CACNA2D2: variants seen among roughly 807,000 people sequenced by gnomAD.
CACNA2D2 encodes voltage-dependent calcium channel subunit alpha-2/delta-2.
CACNA2D2 carries 48 observed loss-of-function variants against 166.4 expected under a neutral mutation model. The ratio of observed to expected loss-of-function variants is 0.29; its 90% CI spans 0.23 to 0.37. The LOEUF is 0.37. Ranked by LOEUF, CACNA2D2 falls within the 10% of genes least tolerant of loss-of-function variation. CACNA2D2 has a pLI of 1.00. For missense variants in CACNA2D2, 1,122 were observed against 1,433.0 expected, an observed-to-expected ratio of 0.78 and a Z score of 3.50; for synonymous variants, 561 against 573.7, an observed-to-expected ratio of 0.98 and a Z score of 0.32.
Position 50,379,614 on chromosome 3 carries a change from G to A in CACNA2D2, c.994-24C>T. ...AACTGCAGGAACAGTAGGGTGGTGA[G>A]TGGCCTCAGGCTGGCCGGGGTAGGC... On this transcript the variant is annotated intron_variant, in intron 10 of 37. Coordinates refer to ENST00000424201, the MANE Select transcript of CACNA2D2 (RefSeq NM_006030.4). This position sits in a 1 kb window ranked among gnomAD's most constrained non-coding sequence, Gnocchi z 6.5. 1.2e-6 allele frequency: 2 copies of A among 1,613,342 alleles called. No homozygotes were observed. The highest frequency in any genetic ancestry group is 2.2e-5 in the East Asian group (1 of 44,874).
chr3:50,495,091 A>G (rs1698669960), intron 1 of CACNA2D2, among the ~76,000 whole-genome samples: 1 of 152,374 alleles, frequency 6.6e-6, no homozygotes, highest in East Asian at 1.9e-4. Flanking sequence ...CCCTGCCCAC[A>G]GAGTATGTGC....
At position 50,420,895 on chromosome 3, in the gene CACNA2D2, C is replaced by T. The variant is rs138942495; in HGVS notation, c.405+13418G>A. The stretch of plus-strand genomic sequence containing the variant: ...GCCAGGCTGTGAGTGGGAAAGGCCA[C>T]TTAGTATCTCATTAGTCTTAGCCCA... On this transcript the variant is annotated intron_variant, in intron 3 of 37. Transcript: ENST00000424201. 2.8e-4 allele frequency among the ~76,000 whole-genome samples: 42 copies of T among 152,328 alleles called. 1 individual carries two copies. The highest frequency in any genetic ancestry group is 2.6e-4 in the Admixed American group (4 of 15,310).
At position 50,476,156 on chromosome 3, in the gene CACNA2D2, C is replaced by T. The variant is rs367932722; in HGVS notation, c.250G>A (p.Val84Met). The T allele has an allele frequency of 1.1e-5, 18 of 1,602,052 alleles. No homozygotes were observed. The highest frequency in any genetic ancestry group is 3.4e-5 in the Admixed American group (2 of 59,110). The change falls in exon 2 of 38, where the codon GTG (valine) becomes ATG (methionine). Residue 84 changes from valine to methionine, a missense_variant. Physicochemically the swap from Val to Met is conservative, Grantham distance 21. Transcript: ENST00000424201. ...ARRLEQEVDG[V>M]MRIFGGVQQL... ...TGGACGCCTCCAAAAATCCGCATCA[C>T]GCCGTCGACCTCCTGCTCCAGACGC...
chr3:50,470,903 C>G (rs1386103881), intron 2 of CACNA2D2, among the ~76,000 whole-genome samples: 1 of 152,140 alleles, frequency 6.6e-6, no homozygotes, highest in East Asian at 1.9e-4. Context: ...CGGGAGCCCC[C>G]CCTTTAGCCC....
intron 1 of CACNA2D2, among the ~76,000 whole-genome samples, chr3:50,479,822 A>G (rs1272495481): frequency 3.3e-5 from 5 of 152,160 alleles, no homozygotes; most frequent in East Asian, 3.9e-4. Flanking sequence ...TGACCAGACA[A>G]TGTTGCCCAC....
chr3:50,461,768 A>AAAAG (rs1324891237), intron 2 of CACNA2D2, among the ~76,000 whole-genome samples: 2 of 149,080 alleles, frequency 1.3e-5, no homozygotes, highest in South Asian at 4.2e-4. Context: ...AAAAAAGAAA[A>AAAAG]AAAGAAAGAA....
chr3:50,442,734 A>G (rs941295853), intron 2 of CACNA2D2, among the ~76,000 whole-genome samples: 2 of 152,180 alleles, frequency 1.3e-5, no homozygotes, highest in Non-Finnish European at 2.9e-5. Context: ...GAGATACTGG[A>G]GCACTGACCA....
At chr3:50,381,993 C>T (rs1705345434) in intron 6 of CACNA2D2, among the ~76,000 whole-genome samples, 1 of 151,256 alleles carries the variant, frequency 6.6e-6, no homozygotes, top group South Asian at 2.1e-4. Context: ...CACACACACA[C>T]ACACACACAC....
At chr3:50,374,589 T>G in intron 22 of CACNA2D2, 148 bp downstream of exon 22, 1 of 734,734 alleles carries the variant, frequency 1.4e-6, no homozygotes, top group Non-Finnish European at 2.3e-6. Context: ...ACTTTCGAGG[T>G]GCCCCAGCCT....
intron 1 of CACNA2D2, among the ~76,000 whole-genome samples, chr3:50,480,303 C>A (rs771753327): frequency 1.1e-4 from 16 of 152,160 alleles, no homozygotes; most frequent in South Asian, 2.1e-4. Context: ...GCTTTTCCAT[C>A]GGTAAACAGG....
intron 3 of CACNA2D2, among the ~76,000 whole-genome samples, chr3:50,417,553 C>T (rs1042714006): frequency 3.3e-5 from 5 of 152,172 alleles, no homozygotes; most frequent in African/African-American, 4.8e-5. Flanking sequence ...GGCTGGGCAG[C>T]GGGGAGGACC....
intron 1 of CACNA2D2, among the ~76,000 whole-genome samples, chr3:50,496,561 G>T (rs1413192296): frequency 6.6e-6 from 1 of 152,254 alleles, no homozygotes; most frequent in East Asian, 1.9e-4. Flanking sequence ...TGGATGAGGG[G>T]ATAGTGGCTG....
At chr3:50,439,109 A>G (rs1205506058) in intron 2 of CACNA2D2, among the ~76,000 whole-genome samples, 2 of 152,248 alleles carry the variant, frequency 1.3e-5, no homozygotes, top group Non-Finnish European at 2.9e-5. Flanking sequence ...CTCTTTGTAC[A>G]GTTCTGTACC....
rs746179513 is a variant in CACNA2D2 at position 50,375,660 on chromosome 3, T to C, written c.1891A>G (p.Arg631Gly). Residue 631 changes from arginine to glycine, a missense_variant, in exon 21 of 38, where the codon AGG becomes GGG. Physicochemically the swap from Arg to Gly is moderately radical, Grantham distance 125. Transcript: ENST00000424201. The surrounding 1 kb of genome is among the most constrained non-coding windows in gnomAD (Gnocchi z 4.0). ...CTCACTTACCTGTAGTTAGTGCTCCTTATAGGCACCCAGGTGTAGTTCCGT... is the reference window on the plus strand; with the variant it reads ...CTCACTTACCTGTAGTTAGTGCTCCCTATAGGCACCCAGGTGTAGTTCCGT... ...VTRNYTWVPI[R>G]STNYSLGLVL... 1 of 1,612,416 alleles carries C rather than the reference T, an allele frequency of 6.2e-7. No homozygotes were observed. The highest frequency in any genetic ancestry group is 1.1e-5 in the South Asian group (1 of 91,070).
chr3:50,471,202 T>C (rs1177470234), intron 2 of CACNA2D2, among the ~76,000 whole-genome samples: 1 of 151,448 alleles, frequency 6.6e-6, no homozygotes, highest in East Asian at 2.0e-4. Flanking sequence ...CTGGAGATGC[T>C]GGCTTCAAGG....
At chr3:50,472,487 C>G (rs1710140032) in intron 2 of CACNA2D2, among the ~76,000 whole-genome samples, 1 of 152,156 alleles carries the variant, frequency 6.6e-6, no homozygotes, top group Non-Finnish European at 1.5e-5. Flanking sequence ...CAGCCCCGAC[C>G]CCAGGCAGAG....
intron 2 of CACNA2D2, among the ~76,000 whole-genome samples, chr3:50,471,720 T>C (rs144260384): frequency 3.0e-4 from 45 of 149,048 alleles, no homozygotes; most frequent in African/African-American, 1.0e-3. Context: ...CTGTCCCACC[T>C]ACCTGAGCCC....
At chr3:50,429,676 G>A (rs1203113356) in intron 3 of CACNA2D2, among the ~76,000 whole-genome samples, 3 of 150,976 alleles carry the variant, frequency 2.0e-5, no homozygotes, top group Admixed American at 6.6e-5. Context: ...AGGCTGAGGC[G>A]GAACAATGGC....
At chr3:50,420,238 T>TAGGCC (rs1707483699) in intron 3 of CACNA2D2, among the ~76,000 whole-genome samples, 1 of 152,192 alleles carries the variant, frequency 6.6e-6, no homozygotes, top group Non-Finnish European at 1.5e-5. Flanking sequence ...AGCAGAAAAG[T>TAGGCC]AGGCCATGCC....
Sources: gnomAD v4.1 joint callset for allele counts (sites outside exome capture counted in the v4.1 genomes callset) on GRCh38, gnomAD v4.1.1 for gene constraint, Gnocchi (gnomAD v3.1) non-coding constraint, MANE v1.5 for transcripts, NCBI Gene and HGNC (gene_info 2026-07-23, HGNC 2026-07-21) for gene names.